RALY: variants seen among roughly 807,000 people sequenced by gnomAD.
RALY encodes RALY heterogeneous nuclear ribonucleoprotein.
In RALY, 15 loss-of-function variants were observed where a neutral mutation model predicts 30.7. The ratio of observed to expected loss-of-function variants is 0.49; its 90% CI spans 0.33 to 0.75. The LOEUF (loss-of-function observed/expected upper bound fraction) is 0.75. Ranked by LOEUF, RALY falls within the 30% of genes least tolerant of loss-of-function variation. The pLI, the probability that RALY is intolerant of heterozygous loss-of-function variation, is 0.02. For synonymous variants in RALY, 177 were observed against 170.8 expected (o/e 1.04, Z -0.28); for missense variants, 339 against 414.3 (o/e 0.82, Z 1.58).
chr20:34,036,202 G>T (rs945835472), intron 2 of RALY, among the ~76,000 whole-genome samples: 1 of 151,960 alleles, frequency 6.6e-6, no homozygotes, highest in East Asian at 1.9e-4. Context: ...GCGTTGAATA[G>T]AATTGATAAG....
rs145429652 is a variant in RALY, at chr20:34,062,173, C to G, written c.-9-9893C>G. Among the ~76,000 whole-genome samples, 219 of 152,238 alleles carry G rather than the reference C, an allele frequency of 1.4e-3. 1 individual carries two copies. The highest frequency in any genetic ancestry group is 5.1e-3 in the African/African-American group (213 of 41,530). On this transcript the variant is annotated intron_variant, in intron 2 of 9. Transcript: ENST00000246194. Reference sequence around the variant, plus strand: ...TTTATTCATCTCTGGTTCCACAGCACCTAGCTAGATAGGCCTGGCATATAA... The same window carrying G: ...TTTATTCATCTCTGGTTCCACAGCAGCTAGCTAGATAGGCCTGGCATATAA...
At chr20:34,016,053 C>G (rs577777662) in intron 1 of RALY, among the ~76,000 whole-genome samples, 2 of 152,266 alleles carry the variant, frequency 1.3e-5, no homozygotes, top group South Asian at 4.1e-4. Flanking sequence ...TCAGACACCA[C>G]ACTGTTCACT....
chr20:34,028,452 T>C (rs540546058), intron 1 of RALY, among the ~76,000 whole-genome samples: 1 of 151,888 alleles, frequency 6.6e-6, no homozygotes, highest in East Asian at 1.9e-4. Context: ...TTTCAAGAAC[T>C]TGGCAGATTT....
chr20:34,054,724 G>T (rs938283751), intron 2 of RALY, among the ~76,000 whole-genome samples: 1 of 152,044 alleles, frequency 6.6e-6, no homozygotes, highest in African/African-American at 2.4e-5. Context: ...TACTTGGGGG[G>T]CTGAGGCACA....
At chr20:34,051,427 A>G (rs865805960) in intron 2 of RALY, among the ~76,000 whole-genome samples, 53 of 152,294 alleles carry the variant, frequency 3.5e-4, no homozygotes, top group African/African-American at 1.2e-3. Context: ...TCTCTGTAAT[A>G]CGAGGATAAC....
chr20:34,079,187 C>T (rs1024519513), intron 9 of RALY, among the ~76,000 whole-genome samples: 1 of 152,190 alleles, frequency 6.6e-6, no homozygotes, highest in Non-Finnish European at 1.5e-5. Flanking sequence ...ACAGGAGCTG[C>T]ACCTGCTTTC....
intron 9 of RALY, among the ~76,000 whole-genome samples, 194 bp from the exon 10 acceptor site, chr20:34,079,716 G>A (rs773612430): frequency 6.6e-6 from 1 of 152,322 alleles, no homozygotes; most frequent in Non-Finnish European, 1.5e-5. Context: ...GCTCAGGTGA[G>A]GAAATGGAGG....
At chr20:34,020,231 G>A (rs1279671233) in intron 1 of RALY, among the ~76,000 whole-genome samples, 1 of 152,262 alleles carries the variant, frequency 6.6e-6, no homozygotes, top group African/African-American at 2.4e-5. Flanking sequence ...TACCTGGGAA[G>A]GAGGCTAGTC....
chr20:34,058,235 G>C (rs1315998571), intron 2 of RALY, among the ~76,000 whole-genome samples: 2 of 152,110 alleles, frequency 1.3e-5, no homozygotes, highest in Non-Finnish European at 2.9e-5. Context: ...CGTTTTGAGG[G>C]CTGTTTTTTG....
At chr20:34,007,642 A>C (rs1166282706) in intron 1 of RALY, among the ~76,000 whole-genome samples, 1 of 151,620 alleles carries the variant, frequency 6.6e-6, no homozygotes, top group African/African-American at 2.4e-5. Context: ...CAATATGGTG[A>C]AACCCCATCT....
At chr20:34,079,024 G>A (rs1481794163) in intron 9 of RALY, among the ~76,000 whole-genome samples, 2 of 152,236 alleles carry the variant, frequency 1.3e-5, no homozygotes, top group African/African-American at 4.8e-5. Context: ...TCCTTGGTAT[G>A]TGGTGAGGCC....
intron 2 of RALY, among the ~76,000 whole-genome samples, chr20:34,045,877 T>A (rs1156642297): frequency 6.6e-6 from 1 of 152,180 alleles, no homozygotes; most frequent in Non-Finnish European, 1.5e-5. Flanking sequence ...GGAGTAAAAC[T>A]TGATTTCTTT....
At chr20:34,006,689 A>C (rs1457815382) in intron 1 of RALY, among the ~76,000 whole-genome samples, 2 of 152,090 alleles carry the variant, frequency 1.3e-5, no homozygotes, top group East Asian at 3.9e-4. Context: ...TCATTATGTT[A>C]CAGTTGCCTA....
At chr20:34,049,293 G>A (rs1418349866) in intron 2 of RALY, 1 of 154,222 alleles carries the variant, frequency 6.5e-6, no homozygotes, top group Non-Finnish European at 1.5e-5. Context: ...TCTGGGATTA[G>A]GAGTCCTGAG....
At chr20:34,035,731 G>A (rs374147067) in intron 2 of RALY, among the ~76,000 whole-genome samples, 3 of 152,186 alleles carry the variant, frequency 2.0e-5, no homozygotes, top group Admixed American at 6.5e-5. Context: ...TGTTTGAGGT[G>A]TAGCAGTGAA....
intron 1 of RALY, among the ~76,000 whole-genome samples, chr20:34,014,786 C>CT (rs1438962295): frequency 2.0e-5 from 3 of 152,142 alleles, no homozygotes; most frequent in Non-Finnish European, 2.9e-5. Context: ...TACATTTAAA[C>CT]TTTTTTCTTT....
At chr20:34,024,905 G>A (rs1359415304) in intron 1 of RALY, among the ~76,000 whole-genome samples, 2 of 152,208 alleles carry the variant, frequency 1.3e-5, no homozygotes, top group Admixed American at 1.3e-4. Context: ...GCAAGACCAT[G>A]GGGTTTAGTA....
At chr20:34,011,360 A>T (rs763953358) in intron 1 of RALY, among the ~76,000 whole-genome samples, 2 of 152,192 alleles carry the variant, frequency 1.3e-5, no homozygotes, top group Admixed American at 6.5e-5. Flanking sequence ...TAATTTTTTT[A>T]AAAGTGAGAT....
At chr20:34,028,260 T>A (rs1167512230) in intron 1 of RALY, among the ~76,000 whole-genome samples, 2 of 150,224 alleles carry the variant, frequency 1.3e-5, no homozygotes, top group Non-Finnish European at 3.0e-5. Flanking sequence ...CACTCCAGCC[T>A]GGGCAACAGA....
Sources: allele counts gnomAD v4.1 joint callset (sites outside exome capture counted in the v4.1 genomes callset), GRCh38; gene constraint gnomAD v4.1.1; transcripts MANE v1.5; gene names NCBI Gene and HGNC (gene_info 2026-07-23, HGNC 2026-07-21).